Variants in TSHR observed in about 807,000 individuals in gnomAD.
TSHR encodes the protein thyrotropin receptor.
Under a neutral mutation model 64.1 loss-of-function variants are expected in TSHR, and 51 were observed. That is an observed-to-expected ratio of 0.80 (90% CI 0.64 to 1.01). TSHR has a LOEUF of 1.01. Ranked by LOEUF, TSHR falls within the 50% of genes least tolerant of loss-of-function variation. The pLI is 0.00. For synonymous variants in TSHR, 361 were observed against 361.9 expected, an observed-to-expected ratio of 1.00 and a Z score of 0.03; for missense variants, 877 against 942.8, an observed-to-expected ratio of 0.93 and a Z score of 0.91.
intron 1 of TSHR, among the ~76,000 whole-genome samples, chr14:80,989,744 G>A (rs1055244594): frequency 6.6e-6 from 1 of 152,102 alleles, no homozygotes; most frequent in African/African-American, 2.4e-5. Flanking sequence ...TCGGATTTTA[G>A]TTGTGGAAGA....
chr14:80,979,473 T>A (rs1888059621), intron 1 of TSHR, among the ~76,000 whole-genome samples: 1 of 152,192 alleles, frequency 6.6e-6, no homozygotes. Flanking sequence ...GGTGACTATG[T>A]TAACAATAAT....
intron 3 of TSHR, among the ~76,000 whole-genome samples, chr14:81,086,130 G>A (rs987127482): frequency 6.6e-6 from 1 of 152,182 alleles, no homozygotes; most frequent in African/African-American, 2.4e-5. Context: ...AGATCTTGGG[G>A]TATAAACTGT....
chr14:81,104,841 T>A, intron 7 of TSHR: 6 of 985,390 alleles, frequency 6.1e-6, no homozygotes, highest in Non-Finnish European at 7.2e-6. Flanking sequence ...CTTCATTTCT[T>A]CCAACAGGTT....
At chr14:81,088,993 T>C (rs1483062423) in intron 4 of TSHR, among the ~76,000 whole-genome samples, 2 of 151,092 alleles carry the variant, frequency 1.3e-5, no homozygotes, top group African/African-American at 4.9e-5. Context: ...TTGCTTTTTT[T>C]TTTTTTTTTT....
chr14:81,101,738 C>T (rs1889593831), intron 7 of TSHR, among the ~76,000 whole-genome samples: 1 of 152,132 alleles, frequency 6.6e-6, no homozygotes, highest in Admixed American at 6.5e-5. Context: ...ACCATCTAGA[C>T]ACACCAAGAA....
rs1888696892 is a variant in TSHR, at chr14:81,091,080, A to C, written c.404A>C (p.Asn135Thr). Residue 135 changes from asparagine (N) to threonine (T), a missense_variant, in exon 5 of 10, where the codon AAC (asparagine) becomes ACC (threonine). Physicochemically the swap from Asn to Thr is moderately conservative, Grantham distance 65 (BLOSUM62 0). Transcript: ENST00000298171. ...LPLLKFLGIF[N>T]TGLKMFPDLT... ...TTTCATTAATTTAGTGGCATTTTCAACACTGGACTTAAAATGTTCCCTGAC... is the reference window on the plus strand; with the variant it reads ...TTTCATTAATTTAGTGGCATTTTCACCACTGGACTTAAAATGTTCCCTGAC... 2.5e-6 allele frequency: 4 copies of C among 1,611,856 alleles called. No homozygotes were observed. Among genetic ancestry groups the C allele is most frequent in the Non-Finnish European group, 3.4e-6 (4 of 1,179,812 alleles).
At chr14:81,131,711 C>T (rs57800782) in intron 8 of TSHR, among the ~76,000 whole-genome samples, 20,950 of 152,200 alleles carry the variant, frequency 0.14, 1,854 homozygotes, top group East Asian at 0.33. Flanking sequence ...TCAACTATCT[C>T]CTCAATGAGG....
intron 9 of TSHR, among the ~76,000 whole-genome samples, chr14:81,142,069 C>A (rs1368707821): frequency 6.6e-6 from 1 of 152,146 alleles, no homozygotes; most frequent in African/African-American, 2.4e-5. Context: ...ACCAAGGCGA[C>A]TGGCTCCAGC....
chr14:81,069,235 T>C (rs763317835), intron 3 of TSHR, among the ~76,000 whole-genome samples: 16 of 152,018 alleles, frequency 1.1e-4, no homozygotes, highest in Non-Finnish European at 2.4e-4. Context: ...GCAGAGAGAC[T>C]AAATATGTTT....
At chr14:81,031,028 T>C (rs1181884659) in intron 1 of TSHR, among the ~76,000 whole-genome samples, 1 of 152,180 alleles carries the variant, frequency 6.6e-6, no homozygotes, top group African/African-American at 2.4e-5. Context: ...GGAACTAGCA[T>C]GCTCTGACTG....
chr14:81,096,766 G>T, intron 7 of TSHR, 59 bp downstream of exon 7: 2 of 1,547,192 alleles, frequency 1.3e-6, no homozygotes, highest in South Asian at 1.1e-5. Context: ...ACCATCCAAT[G>T]GGGCAGAATG....
intron 7 of TSHR, among the ~76,000 whole-genome samples, chr14:81,097,769 C>A (rs1595108384): frequency 6.6e-6 from 1 of 152,130 alleles, no homozygotes; most frequent in Non-Finnish European, 1.5e-5. Context: ...TACACTGAGG[C>A]AAGGCTCCCT....
intron 1 of TSHR, among the ~76,000 whole-genome samples, chr14:80,990,337 A>G (rs1206060985): frequency 6.6e-6 from 1 of 152,208 alleles, no homozygotes; most frequent in African/African-American, 2.4e-5. Flanking sequence ...GGCAGCTCAT[A>G]ATAAGCAACT....
intron 1 of TSHR, among the ~76,000 whole-genome samples, chr14:80,999,346 C>T (rs117368236): frequency 6.6e-6 from 1 of 152,188 alleles, no homozygotes; most frequent in African/African-American, 2.4e-5. Flanking sequence ...AGACTTTCCT[C>T]CTCTTCACCA....
At chr14:81,012,423 C>A (rs1453657698) in intron 1 of TSHR, 1 of 151,764 alleles carries the variant, frequency 6.6e-6, no homozygotes, top group East Asian at 1.9e-4. Flanking sequence ...GTCTTTATAG[C>A]AGCGTGATTT....
chr14:81,052,826 T>G (rs1011082034), intron 1 of TSHR: 7 of 152,176 alleles, frequency 4.6e-5, no homozygotes, highest in African/African-American at 1.7e-4. Flanking sequence ...TTCTTAATTT[T>G]TTTCAGATAG....
At chr14:81,061,806 C>G (rs1886263666) in intron 1 of TSHR, among the ~76,000 whole-genome samples, 1 of 152,008 alleles carries the variant, frequency 6.6e-6, no homozygotes, top group African/African-American at 2.4e-5. Flanking sequence ...GTAAAATAAT[C>G]ATGTTTTTTC....
intron 3 of TSHR, among the ~76,000 whole-genome samples, chr14:81,082,163 T>C (rs149148148): frequency 5.3e-4 from 80 of 152,238 alleles, no homozygotes; most frequent in African/African-American, 1.9e-3. Context: ...TTTTATGGAA[T>C]AAGTTTATAG....
rs566041030 is a variant in TSHR at position 81,003,227 on chromosome 14, C to T, written c.170+47377C>T. On this transcript the variant is annotated intron_variant, in intron 1 of 9. Coordinates refer to ENST00000298171, the MANE Select transcript of TSHR (RefSeq NM_000369.5). The stretch of plus-strand genomic sequence containing the variant: ...CATTCTACTGCTCCGGTGACTCGCT[C>T]ATTAAAGGTTGACCTCCCCAGGTGT... 2.0e-5 allele frequency: 3 copies of T among 152,284 alleles called. No individual in the cohort carries two copies. The East Asian group carries it at 5.8e-4, about 29-fold the overall frequency. 9.4% of individuals were successfully genotyped at this position (152,284 alleles called of 1,614,324 possible). A position where few individuals can be genotyped will look rare whatever the true frequency, so the allele number is the denominator to read the frequency against.
Sources: gnomAD v4.1 joint callset for allele counts (sites outside exome capture counted in the v4.1 genomes callset) on GRCh38, gnomAD v4.1.1 for gene constraint, MANE v1.5 for transcripts, NCBI Gene and HGNC (gene_info 2026-07-23, HGNC 2026-07-21) for gene names.